CEP295: variants seen among roughly 807,000 people sequenced by gnomAD.
The protein encoded by CEP295 is centrosomal protein of 295 kDa.
In CEP295, 190 loss-of-function variants were observed where a neutral mutation model predicts 291.6. The ratio of observed to expected loss-of-function variants is 0.65; its 90% CI spans 0.58 to 0.73. The LOEUF is 0.73. CEP295 is among the 30% of genes least tolerant of loss of function. The pLI, the probability that CEP295 is intolerant of heterozygous loss-of-function variation, is 0.00. For missense variants in CEP295, 2,863 were observed against 2,949.4 expected (o/e 0.97, Z 0.68); for synonymous variants, 993 against 1,038.8 (o/e 0.96, Z 0.85).
chr11:93,725,689 A>G lies in CEP295; in HGVS notation c.6357A>G (p.Gly2119=). 2 of 1,550,598 alleles carry G rather than the reference A, an allele frequency of 1.3e-6. No homozygotes were observed. The highest frequency in any genetic ancestry group is 1.2e-5 in the South Asian group (1 of 83,560). The change falls in exon 23 of 30, where the codon GGA becomes GGG. Residue 2119 remains glycine, a synonymous_variant. Transcript: ENST00000325212. ...CATCTGAAAGCCACTGTGCTACTGG[A>G]TTATCCAAAAGTACAGTTTATTTCA... ...DSSSESHCAT[G]LSKSTVYFTA... is the part of the protein sequence containing the mutation.
chr11:93,675,786 A>C (rs1375152017), intron 6 of CEP295, 120 bp downstream of exon 6: 2 of 448,030 alleles, frequency 4.5e-6, no homozygotes, highest in East Asian at 4.2e-5. Flanking sequence ...AATTGATAAT[A>C]ATAATCAAAA....
rs983532844 is a variant in CEP295, at chr11:93,687,659, A to T, written c.1130A>T (p.Lys377Met). ...SSETDVPLVM[K>M]TQQIPSKVLF... is the part of the protein sequence containing the mutation. ...TTTCTTTTAGTTCCCTTGGTAATGA[A>T]GACCCAACAGATTCCTTCAAAAGTT... is the stretch of plus-strand genomic sequence containing the variant. Residue 377 changes from lysine to methionine, a missense_variant, in exon 10 of 30, where the codon AAG becomes ATG. This residue lies in a region of CEP295 where 554 missense variants were observed against 576.0 expected (regional missense o/e 0.96). Coordinates refer to ENST00000325212, the MANE Select transcript of CEP295 (RefSeq NM_033395.2). 30 of 1,521,340 alleles carry T rather than the reference A, an allele frequency of 2.0e-5. No homozygotes were observed. The highest frequency in any genetic ancestry group is 2.5e-5 in the Non-Finnish European group (28 of 1,126,010). 94.2% of individuals were successfully genotyped at this position (1,521,340 alleles called of 1,614,324 possible).
intron 5 of CEP295, among the ~76,000 whole-genome samples, chr11:93,671,285 GT>G (rs531357810): frequency 7.9e-5 from 12 of 151,332 alleles, no homozygotes; most frequent in South Asian, 4.2e-4. Context: ...TGGTAAATGG[GT>G]TTTTTTTTCC....
chr11:93,706,780 C>T lies in CEP295; in HGVS notation c.5632C>T (p.Arg1878Ter), dbSNP rs1476379407. ...PGIYEDRDPL[R>*]VSISREQSFF... is the part of the protein sequence containing the mutation. ...TATTTATGAAGACAGAGACCCCCTG[C>T]GAGTCTCAATAAGCCGAGAACAAAG... The change falls in exon 18 of 30, where the codon CGA becomes TGA. Residue 1878 changes from arginine to a stop codon, truncating the protein, a stop_gained. Transcript: ENST00000325212. LOFTEE classifies it high-confidence loss of function. The T allele has an allele frequency of 1.7e-5, 27 of 1,548,526 alleles. No individual in the cohort carries two copies. The highest frequency in any genetic ancestry group is 4.1e-5 in the African/African-American group (3 of 72,926).
chr11:93,695,024 AG>A (rs1951781822), intron 12 of CEP295, among the ~76,000 whole-genome samples: 1 of 152,250 alleles, frequency 6.6e-6, no homozygotes, highest in Non-Finnish European at 1.5e-5. Flanking sequence ...CTGACAAAAA[AG>A]ACACAGAATG....
chr11:93,720,604 G>A (rs945096160), intron 18 of CEP295, among the ~76,000 whole-genome samples: 16 of 152,178 alleles, frequency 1.1e-4, no homozygotes, highest in African/African-American at 3.6e-4. Flanking sequence ...TTTTGGTGTG[G>A]TTTTTTGAGA....
At chr11:93,683,914 A>G (rs1201988103) in intron 8 of CEP295, 50 bp from the exon 9 acceptor site, 1 of 1,518,420 alleles carries the variant, frequency 6.6e-7, no homozygotes, top group African/African-American at 1.4e-5. Flanking sequence ...TGATCCAGTT[A>G]TTTTTAATCA....
chr11:93,710,662 T>A (rs1302055036), intron 18 of CEP295, among the ~76,000 whole-genome samples: 1 of 152,246 alleles, frequency 6.6e-6, no homozygotes, highest in African/African-American at 2.4e-5. Flanking sequence ...CTCTTCTGTT[T>A]TTCAGAATAG....
rs540230917 is a variant in CEP295 at position 93,698,934 on chromosome 11, C to G, written c.4022C>G (p.Ser1341Trp). 6.4e-6 allele frequency: 10 copies of G among 1,551,442 alleles called. No individual in the cohort carries two copies. The highest frequency in any genetic ancestry group is 8.7e-6 in the Non-Finnish European group (10 of 1,146,956). Residue 1341 changes from serine to tryptophan, a missense_variant, in exon 15 of 30, where the codon TCG (serine) becomes TGG (tryptophan). By Grantham distance (177) the Ser-to-Trp change is radical. Around this residue, in one of 3 missense-constraint regions of CEP295, gnomAD observed 2,295 missense variants for 2,335.7 expected, o/e 0.98. Transcript: ENST00000325212. ...PQLQDRLLRISQLIQPQQDNL... is the reference protein window; with the variant it reads ...PQLQDRLLRIWQLIQPQQDNL... The stretch of plus-strand genomic sequence containing the variant: ...TTGCAGGATAGGCTTTTGAGGATAT[C>G]GCAACTTATCCAGCCTCAACAAGAT...
At chr11:93,720,817 G>C (rs1254581242) in intron 18 of CEP295, among the ~76,000 whole-genome samples, 3 of 152,008 alleles carry the variant, frequency 2.0e-5, no homozygotes, top group African/African-American at 7.3e-5. Context: ...GGCTGGTCTC[G>C]AACTCCTGCA....
chr11:93,684,047 C>A lies in CEP295; in HGVS notation c.1033C>A (p.Leu345Ile). 1 of 1,551,682 alleles carries A rather than the reference C, an allele frequency of 6.4e-7. No individual in the cohort carries two copies. The highest frequency in any genetic ancestry group is 8.7e-7 in the Non-Finnish European group (1 of 1,146,968). The change falls in exon 9 of 30, where the codon CTT becomes ATT. Residue 345 changes from leucine (L) to isoleucine (I), a missense_variant. Leu to Ile is a conservative substitution (Grantham distance 5). This residue lies in a region of CEP295 where 554 missense variants were observed against 576.0 expected (regional missense o/e 0.96). Coordinates refer to ENST00000325212, the MANE Select transcript of CEP295 (RefSeq NM_033395.2). ...TNQIQDEELD[L>I]SMEQENLGAA... is the part of the protein sequence containing the mutation. ...TCAGATCCAAGATGAAGAGCTGGAC[C>A]TTTCAATGGAACAAGAAAATTTGGG...
chr11:93,698,951 C>T lies in CEP295; in HGVS notation c.4039C>T (p.Gln1347Ter). ...GAGGATATCGCAACTTATCCAGCCTCAACAAGATAATTTGAAGGCACTTCA... is the reference window on the plus strand; with the variant it reads ...GAGGATATCGCAACTTATCCAGCCTTAACAAGATAATTTGAAGGCACTTCA... ...LLRISQLIQP[Q>*]QDNLKALQEQ... is the part of the protein sequence containing the mutation. Residue 1347 changes from glutamine to a stop codon, truncating the protein, a stop_gained, in exon 15 of 30, where the codon CAA becomes TAA. Transcript: ENST00000325212. LOFTEE classifies it high-confidence loss of function. The T allele has an allele frequency of 1.3e-6, 2 of 1,551,328 alleles. No homozygotes were observed. Among genetic ancestry groups the T allele is most frequent in the Non-Finnish European group, 1.7e-6 (2 of 1,146,976 alleles).
chr11:93,691,588 C>T, intron 10 of CEP295, 95 bp from the exon 11 acceptor site: 1 of 752,158 alleles, frequency 1.3e-6, no homozygotes. Context: ...TCAGATGGCC[C>T]TAGATTGAAT....
At chr11:93,690,560 C>CAAAA (rs756087606) in intron 10 of CEP295, among the ~76,000 whole-genome samples, 3 of 53,146 alleles carry the variant, frequency 5.6e-5, no homozygotes, top group Admixed American at 4.0e-4. Flanking sequence ...CTCTGTCTCA[C>CAAAA]AAAAAAAAAA....
At chr11:93,666,647 A>G in intron 1 of CEP295, 35 bp from the exon 2 acceptor site, 3 of 802,236 alleles carry the variant, frequency 3.7e-6, no homozygotes, top group Non-Finnish European at 4.0e-6. Flanking sequence ...TTAATGTTAC[A>G]TTATTTTTAT....
chr11:93,675,714 T>A (rs1279490979), intron 6 of CEP295, 48 bp downstream of exon 6: 2 of 951,420 alleles, frequency 2.1e-6, no homozygotes, highest in South Asian at 3.3e-5. Flanking sequence ...TATTTCTGTG[T>A]GCATTGAATT....
chr11:93,665,065 A>G (rs899285887), intron 1 of CEP295, among the ~76,000 whole-genome samples: 1 of 152,222 alleles, frequency 6.6e-6, no homozygotes, highest in Admixed American at 6.5e-5. Flanking sequence ...GGAAATTGCA[A>G]CAGGAATTAT....
Position 93,694,196 on chromosome 11 carries a change from A to G in CEP295, c.1534-1301A>G, listed in dbSNP as rs140581133. Among the ~76,000 whole-genome samples the G allele has an allele frequency of 7.7e-4, 117 of 152,370 alleles. 1 individual carries two copies. Among genetic ancestry groups the G allele is most frequent in the African/African-American group, 2.6e-3 (109 of 41,586 alleles). ...CTCTAGTAGAAGTGCTGCTCTTTAT[A>G]TAAGAAAACAACGTGCATTCCTTTT... is the stretch of plus-strand genomic sequence containing the variant. On this transcript the variant is annotated intron_variant, in intron 12 of 29. Coordinates refer to ENST00000325212, the MANE Select transcript of CEP295 (RefSeq NM_033395.2).
chr11:93,711,825 TG>T (rs1181405538), intron 18 of CEP295, among the ~76,000 whole-genome samples: 1 of 151,598 alleles, frequency 6.6e-6, no homozygotes. Flanking sequence ...TAAGTTTGTT[TG>T]TTTTTTTTTT....
Sources: allele counts gnomAD v4.1 joint callset (sites outside exome capture counted in the v4.1 genomes callset), GRCh38; gene constraint gnomAD v4.1.1; regional missense constraint gnomAD v4.1.1; transcripts MANE v1.5; gene names NCBI Gene and HGNC (gene_info 2026-07-23, HGNC 2026-07-21).